NKX2-6: variants seen among roughly 807,000 people sequenced by gnomAD.
NKX2-6 encodes homeobox protein Nkx-2.6.
In NKX2-6, 8 loss-of-function variants were observed where a neutral mutation model predicts 8.6. The observed-to-expected ratio is 0.93, with a 90% CI of 0.54 to 1.67. The LOEUF is 1.67. Ranked by LOEUF, NKX2-6 falls within the 40% of genes most tolerant of loss-of-function variation. The probability of loss-of-function intolerance (pLI) is 0.00; values close to 1 mark genes in which losing one functional copy is unlikely to be tolerated. For missense variants in NKX2-6, 475 were observed against 423.1 expected, an observed-to-expected ratio of 1.12 and a Z score of -1.08; for synonymous variants, 210 against 199.3, an observed-to-expected ratio of 1.05 and a Z score of -0.45.
rs1347135772 is a variant in NKX2-6 at position 23,702,666 on chromosome 8, G to C, written c.691C>G (p.Pro231Ala). The C allele has an allele frequency of 1.9e-6, 3 of 1,550,674 alleles. No homozygotes were observed. In the Admixed American group the frequency reaches 5.9e-5, roughly 30 times the overall value. Residue 231 changes from proline (P) to alanine (A), a missense_variant, in exon 2 of 2, where the codon CCC becomes GCC. Pro to Ala is a conservative substitution (Grantham distance 27). Coordinates refer to ENST00000325017, the MANE Select transcript of NKX2-6 (RefSeq NM_001136271.3). ...LGPGPGAPAF[P>A]SPYSAAVSPY... ...GACACTGCTGCACTGTAGGGGCTGG[G>C]GAAGGCAGGTGCGCCGGGCCCGGGG...
rs750361656 is a variant in NKX2-6, at chr8:23,702,889, G to A, written c.468C>T (p.Tyr156=). Residue 156 remains tyrosine (Y), a synonymous_variant, in exon 2 of 2, where the codon TAC becomes TAT. Transcript: ENST00000325017. The part of the protein sequence containing the change: ...ALERRFKQQR[Y]LSAPEREHLA... ...GGTGCTCGCGCTCGGGCGCTGACAG[G>A]TACCGCTGCTGCTTGAAGCGCCGCT... The A allele has an allele frequency of 4.0e-5, 63 of 1,556,714 alleles. No homozygotes were observed. The African/African-American group carries it at 6.8e-4, about 17-fold the overall frequency.
chr8:23,706,347 G>A lies in NKX2-6; in HGVS notation c.252C>T (p.Asp84=). The A allele has an allele frequency of 4.5e-6, 7 of 1,549,402 alleles. No individual in the cohort carries two copies. Among genetic ancestry groups the A allele is most frequent in the Non-Finnish European group, 6.1e-6 (7 of 1,145,654 alleles). The change falls in exon 1 of 2, where the codon GAC becomes GAT. Residue 84 remains aspartate, a synonymous_variant. Coordinates refer to ENST00000325017, the MANE Select transcript of NKX2-6 (RefSeq NM_001136271.3). ...CACGTGGCTCCCCCATCCGTTCCGC[G>A]TCCATCTCCAAGACTGCCTCACAGG... is the stretch of plus-strand genomic sequence containing the variant. ...GGPCEAVLEM[D]AERMGEPQPG...
intron 1 of NKX2-6, among the ~76,000 whole-genome samples, chr8:23,704,883 C>T (rs2117598324): frequency 6.6e-6 from 1 of 152,306 alleles, no homozygotes; most frequent in Non-Finnish European, 1.5e-5. Context: ...CTTCTGTTCA[C>T]AATCCTGGAG....
Position 23,702,997 on chromosome 8 carries a change from C to G in NKX2-6, c.360G>C (p.Arg120=), listed in dbSNP as rs1347980410. Residue 120 remains arginine (R), a synonymous_variant, in exon 2 of 2, where the codon CGG becomes CGC. Transcript: ENST00000325017. ...CCTTGGGCTGCTCCGAGCGGCCACC[C>G]CGCACGCTGTCGCCGCTGTTGCCAA... ...RGVGNSGDSV[R]GGRSEQPKAR... 3.2e-5 allele frequency: 49 copies of G among 1,541,446 alleles called. No individual in the cohort carries two copies. Among genetic ancestry groups the G allele is most frequent in the Non-Finnish European group, 4.2e-5 (48 of 1,145,198 alleles).
At chr8:23,705,119 C>T (rs552728678) in intron 1 of NKX2-6, among the ~76,000 whole-genome samples, 1 of 152,362 alleles carries the variant, frequency 6.6e-6, no homozygotes, top group East Asian at 1.9e-4. Context: ...CCATCGGCTG[C>T]GAGGCGACTG....
In NKX2-6 at chr8:23,703,046, C is replaced by T. The variant is rs1298039466; in HGVS notation, c.311G>A (p.Gly104Glu). ...AACGCCGCGCTCTGGCACCCTGGTC[C>T]CGCCGCCGAGGGGCGAGGCCGCGTT... ...GLNAASPLGG[G>E]TRVPERGVGN... Residue 104 changes from glycine to glutamate, a missense_variant, in exon 2 of 2, where the codon GGG becomes GAG. By Grantham distance (98) the Gly-to-Glu change is moderately conservative (BLOSUM62 -2). Coordinates refer to ENST00000325017, the MANE Select transcript of NKX2-6 (RefSeq NM_001136271.3). 1 of 1,540,642 alleles carries T rather than the reference C, an allele frequency of 6.5e-7. No individual in the cohort carries two copies. Among genetic ancestry groups the T allele is most frequent in the Non-Finnish European group, 8.7e-7 (1 of 1,146,204 alleles).
chr8:23,706,295 GT>G, intron 1 of NKX2-6, 29 bp downstream of exon 1: 1 of 1,328,290 alleles, frequency 7.5e-7, no homozygotes, highest in Non-Finnish European at 1.0e-6. Context: ...CATTCCCCCC[GT>G]AGGAGGCAAG....
At chr8:23,704,437 G>A (rs922204859) in intron 1 of NKX2-6, among the ~76,000 whole-genome samples, 5 of 152,098 alleles carry the variant, frequency 3.3e-5, no homozygotes, top group African/African-American at 1.2e-4. Flanking sequence ...CTTAAACCCC[G>A]TTTTACCCCA....
At chr8:23,706,193 G>T in intron 1 of NKX2-6, 132 bp downstream of exon 1, 1 of 957,310 alleles carries the variant, frequency 1.0e-6, no homozygotes, top group Non-Finnish European at 1.5e-6. Flanking sequence ...GCCTTTTTTT[G>T]GACTCCTCGA....
At position 23,702,336 on chromosome 8, in the gene NKX2-6, C is replaced by A. The variant is rs936405953; in HGVS notation, c.*115G>T. On this transcript the variant is annotated 3_prime_UTR_variant, in exon 2 of 2. Transcript: ENST00000325017. Reference sequence around the variant, plus strand: ...TTTCAGAGATCCCTCCGGAAAGAAGCGCCGTTGGGTAGCAGCTTCCTTCCA... The same window carrying A: ...TTTCAGAGATCCCTCCGGAAAGAAGAGCCGTTGGGTAGCAGCTTCCTTCCA... 1.3e-4 allele frequency: 150 copies of A among 1,183,202 alleles called. No individual in the cohort carries two copies. Among genetic ancestry groups the A allele is most frequent in the Middle Eastern group, 1.2e-3 (4 of 3,440 alleles). 73.3% of individuals were successfully genotyped at this position (1,183,202 alleles called of 1,614,324 possible).
chr8:23,703,175 C>T, intron 1 of NKX2-6, 93 bp from the exon 2 acceptor site: 1 of 1,410,360 alleles, frequency 7.1e-7, no homozygotes, highest in South Asian at 1.4e-5. Context: ...TCCCTGGCAG[C>T]CTTCACTCTG....
chr8:23,702,716 A>G lies in NKX2-6; in HGVS notation c.641T>C (p.Val214Ala). The change falls in exon 2 of 2, where the codon GTG becomes GCG. Residue 214 changes from valine (V) to alanine (A), a missense_variant. Val to Ala is a moderately conservative substitution (Grantham distance 64). Coordinates refer to ENST00000325017, the MANE Select transcript of NKX2-6 (RefSeq NM_001136271.3). Reference sequence around the variant, plus strand: ...GCCCAGGCAGGGCTTGCCATCGCGCACCAGGACGGGCACAGCTACTCGGCG... The same window carrying G: ...GCCCAGGCAGGGCTTGCCATCGCGCGCCAGGACGGGCACAGCTACTCGGCG... Reference protein sequence around the residue: ...TPRRVAVPVLVRDGKPCLGPG... With the variant: ...TPRRVAVPVLARDGKPCLGPG... The G allele has an allele frequency of 1.9e-6, 3 of 1,551,502 alleles. No individual in the cohort carries two copies. The highest frequency in any genetic ancestry group is 1.2e-5 in the South Asian group (1 of 84,066).
At chr8:23,703,710 C>T (rs141669885) in intron 1 of NKX2-6, among the ~76,000 whole-genome samples, 2 of 38,962 alleles carry the variant, frequency 5.1e-5, no homozygotes, top group Admixed American at 2.1e-4. Flanking sequence ...AACAAACAAA[C>T]AAAAAACAAA....
In NKX2-6 at chr8:23,702,413, G is replaced by T; in HGVS notation, c.*38C>A. 1 of 1,428,090 alleles carries T rather than the reference G, an allele frequency of 7.0e-7. No homozygotes were observed. The allele number at this position is 1,428,090 out of a possible 1,614,324, so 88.5% of individuals were successfully genotyped here. ...CTGCGGGCGGAGGGGAAGGGAACGAGCATCTGGCCCTGGTTGGCAGAGTCA... is the reference window on the plus strand; with the variant it reads ...CTGCGGGCGGAGGGGAAGGGAACGATCATCTGGCCCTGGTTGGCAGAGTCA... On this transcript the variant is annotated 3_prime_UTR_variant, in exon 2 of 2. Coordinates refer to ENST00000325017, the MANE Select transcript of NKX2-6 (RefSeq NM_001136271.3).
chr8:23,703,186 C>T (rs1196615086), intron 1 of NKX2-6, 104 bp from the exon 2 acceptor site: 3 of 1,332,668 alleles, frequency 2.3e-6, no homozygotes, highest in African/African-American at 1.5e-5. Context: ...CTTCACTCTG[C>T]GCAGGCTCCT....
intron 1 of NKX2-6, among the ~76,000 whole-genome samples, chr8:23,705,552 A>C (rs1801077169): frequency 6.6e-6 from 1 of 152,210 alleles, no homozygotes; most frequent in South Asian, 2.1e-4. Flanking sequence ...GGATCGACGC[A>C]ACACAACTCC....
At chr8:23,705,724 G>A (rs931799069) in intron 1 of NKX2-6, among the ~76,000 whole-genome samples, 3 of 152,242 alleles carry the variant, frequency 2.0e-5, no homozygotes, top group Non-Finnish European at 4.4e-5. Context: ...CTGACGCGGA[G>A]AATCCTGCGC....
chr8:23,706,579 G>C lies in NKX2-6; in HGVS notation c.20C>G (p.Thr7Ser). The C allele has an allele frequency of 6.5e-7, 1 of 1,535,946 alleles. No individual in the cohort carries two copies. Among genetic ancestry groups the C allele is most frequent in the Non-Finnish European group, 8.7e-7 (1 of 1,146,744 alleles). Residue 7 changes from threonine to serine, a missense_variant, in exon 1 of 2, where the codon ACC (threonine) becomes AGC (serine). Transcript: ENST00000325017. MLLSPV[T>S]STPFSVKDIL... ...GTCCTTGACCGAGAAGGGGGTGGAG[G>C]TGACGGGGCTCAGCAGCATCCCGAA...
chr8:23,706,623 G>C lies in NKX2-6; in HGVS notation c.-25C>G, dbSNP rs1280579840. On this transcript the variant is annotated 5_prime_UTR_variant, in exon 1 of 2. Transcript: ENST00000325017. Reference sequence around the variant, plus strand: ...TCCCGAAGGCGGATGGGGCGGGGCCGAGGAGGTCCGGGTGAGGAGCGGCAC... The same window carrying C: ...TCCCGAAGGCGGATGGGGCGGGGCCCAGGAGGTCCGGGTGAGGAGCGGCAC... The C allele has an allele frequency of 6.6e-7, 1 of 1,524,496 alleles. No individual in the cohort carries two copies. Among genetic ancestry groups the C allele is most frequent in the Non-Finnish European group, 8.8e-7 (1 of 1,139,938 alleles). The allele number at this position is 1,524,496 out of a possible 1,614,324, so 94.4% of individuals were successfully genotyped here.
Sources: allele counts gnomAD v4.1 joint callset (sites outside exome capture counted in the v4.1 genomes callset), GRCh38; gene constraint gnomAD v4.1.1; transcripts MANE v1.5; gene names NCBI Gene and HGNC (gene_info 2026-07-23, HGNC 2026-07-21).